UTRN: variants seen among roughly 807,000 people sequenced by gnomAD.
UTRN encodes utrophin.
In UTRN, 283 loss-of-function variants were observed where a neutral mutation model predicts 463.9. That is an observed-to-expected ratio of 0.61 (90% confidence interval 0.55 to 0.67). UTRN has a LOEUF of 0.67. Among genes scored for constraint, UTRN ranks in the 30% least tolerant of loss-of-function variants. The probability of loss-of-function intolerance (pLI) is 0.00; values close to 1 mark genes in which losing one functional copy is unlikely to be tolerated. For synonymous variants in UTRN, 1,442 were observed against 1,431.5 expected (o/e 1.01, Z -0.17); for missense variants, 3,922 against 4,084.3 (o/e 0.96, Z 1.08).
At chr6:144,463,184 G>C (rs1789590738) in intron 23 of UTRN, among the ~76,000 whole-genome samples, 1 of 152,210 alleles carries the variant, frequency 6.6e-6, no homozygotes, top group Non-Finnish European at 1.5e-5. Context: ...GATTATAGTA[G>C]TAACTTGGTT....
chr6:144,627,482 A>T (rs1307594790), intron 51 of UTRN, among the ~76,000 whole-genome samples: 2 of 152,310 alleles, frequency 1.3e-5, no homozygotes, highest in South Asian at 2.1e-4. Context: ...ATGGCATTTT[A>T]ACCATTTTAA....
intron 51 of UTRN, among the ~76,000 whole-genome samples, chr6:144,582,860 G>A (rs1054513159): frequency 6.6e-6 from 1 of 152,064 alleles, no homozygotes; most frequent in Admixed American, 6.6e-5. Context: ...ATCTGTCTGG[G>A]GGTGATTTTT....
intron 23 of UTRN, 23 bp downstream of exon 23, chr6:144,462,889 G>A (rs1218210751): frequency 6.4e-7 from 1 of 1,557,984 alleles, no homozygotes; most frequent in Admixed American, 2.0e-5. Flanking sequence ...GCCACTGGGA[G>A]TTTAAGTTTA....
intron 63 of UTRN, among the ~76,000 whole-genome samples, chr6:144,794,445 A>T (rs1344798619): frequency 6.6e-6 from 1 of 152,150 alleles, no homozygotes; most frequent in East Asian, 1.9e-4. Flanking sequence ...TTTAGCTATT[A>T]CATCCTCTGA....
At chr6:144,743,708 C>A (rs1790358917) in intron 54 of UTRN, among the ~76,000 whole-genome samples, 1 of 152,100 alleles carries the variant, frequency 6.6e-6, no homozygotes, top group East Asian at 1.9e-4. Context: ...TAGTCTTCTT[C>A]CTCATGGTAT....
At chr6:144,683,889 C>T (rs1452253032) in intron 52 of UTRN, among the ~76,000 whole-genome samples, 3 of 152,114 alleles carry the variant, frequency 2.0e-5, no homozygotes, top group African/African-American at 4.8e-5. Context: ...TTGCCAGCCT[C>T]ATTGTGACTC....
At chr6:144,307,209 TA>T (rs1317888765) in intron 2 of UTRN, among the ~76,000 whole-genome samples, 28 of 152,328 alleles carry the variant, frequency 1.8e-4, no homozygotes, top group Admixed American at 4.6e-4. Flanking sequence ...TGATTTGTAA[TA>T]TTTTTTAGTA....
chr6:144,725,256 T>C (rs1311081784), intron 53 of UTRN, among the ~76,000 whole-genome samples: 2 of 152,202 alleles, frequency 1.3e-5, no homozygotes, highest in African/African-American at 4.8e-5. Context: ...GTCCCTTTGC[T>C]CTTCCTTCGT....
intron 31 of UTRN, 58 bp downstream of exon 31, chr6:144,490,257 A>G: frequency 6.4e-7 from 1 of 1,562,020 alleles, no homozygotes; most frequent in Non-Finnish European, 8.6e-7. Context: ...TTTCTTCAAA[A>G]AAGAGAAAGA....
At chr6:144,593,512 A>G (rs533847221) in intron 51 of UTRN, among the ~76,000 whole-genome samples, 7 of 152,254 alleles carry the variant, frequency 4.6e-5, no homozygotes, top group Non-Finnish European at 7.4e-5. Context: ...AATCAGAGGC[A>G]TTTCCCATTT....
Position 144,824,616 on chromosome 6 carries a change from T to C in UTRN, c.9495-2732T>C, listed in dbSNP as rs1326596720. ...TATATATATATATATATATATATCT[T>C]TTTTTTTTTTTTTTTTTTTTTGAGA... On this transcript the variant is annotated intron_variant, in intron 66 of 74. Coordinates refer to ENST00000367545, the MANE Select transcript of UTRN (RefSeq NM_007124.3). 1.7e-3 allele frequency among the ~76,000 whole-genome samples: 114 copies of C among 65,818 alleles called. 1 individual carries two copies. Among genetic ancestry groups the C allele is most frequent in the African/African-American group, 7.0e-3 (102 of 14,616 alleles). The allele number at this position is 65,818 out of a possible 152,430, so 43.2% of individuals were successfully genotyped here.
intron 18 of UTRN, among the ~76,000 whole-genome samples, chr6:144,452,217 A>G (rs1443274041): frequency 6.6e-6 from 1 of 152,206 alleles, no homozygotes; most frequent in Non-Finnish European, 1.5e-5. Context: ...TGTTTCTTAG[A>G]GTCTCTTACT....
intron 58 of UTRN, among the ~76,000 whole-genome samples, chr6:144,762,489 T>A (rs538859204): frequency 5.3e-5 from 8 of 152,342 alleles, no homozygotes; most frequent in African/African-American, 1.9e-4. Context: ...AGCCCATGCT[T>A]TTTCCAGTAC....
At chr6:144,398,453 T>C in intron 2 of UTRN, 1 of 365,888 alleles carries the variant, frequency 2.7e-6, no homozygotes, top group Non-Finnish European at 5.4e-6. Flanking sequence ...CATGGAAGCA[T>C]GTGCTGGCAT....
chr6:144,816,733 C>CT (rs35967778), intron 65 of UTRN, among the ~76,000 whole-genome samples: 21,403 of 131,968 alleles, frequency 0.16, 2,105 homozygotes, highest in East Asian at 0.44. Context: ...AGCTTTTTTC[C>CT]TTTTTTTTTT....
At chr6:144,594,284 GC>G (rs1803422153) in intron 51 of UTRN, among the ~76,000 whole-genome samples, 2 of 152,000 alleles carry the variant, frequency 1.3e-5, no homozygotes, top group South Asian at 4.2e-4. Context: ...TTTTTGTGCT[GC>G]CCAAGGTCAC....
intron 52 of UTRN, among the ~76,000 whole-genome samples, chr6:144,678,916 G>C (rs188093159): frequency 1.3e-5 from 2 of 151,944 alleles, no homozygotes; most frequent in African/African-American, 4.8e-5. Flanking sequence ...ACTTTATTTC[G>C]TAATCAAAAA....
chr6:144,806,176 C>G (rs1271740895), intron 65 of UTRN, among the ~76,000 whole-genome samples: 1 of 152,098 alleles, frequency 6.6e-6, no homozygotes, highest in Non-Finnish European at 1.5e-5. Flanking sequence ...CACATATCTT[C>G]AACAGTTGTC....
intron 2 of UTRN, among the ~76,000 whole-genome samples, chr6:144,328,193 C>T (rs907100053): frequency 4.8e-5 from 7 of 145,002 alleles, no homozygotes; most frequent in African/African-American, 1.8e-4. Context: ...AGTTTCTTTC[C>T]TTTTTTTTTT....
Sources: gnomAD v4.1 joint callset for allele counts (sites outside exome capture counted in the v4.1 genomes callset) on GRCh38, gnomAD v4.1.1 for gene constraint, MANE v1.5 for transcripts, NCBI Gene and HGNC (gene_info 2026-07-23, HGNC 2026-07-21) for gene names.